The following IMMP2L variants were observed in gnomAD, a reference collection of about 807,000 sequenced individuals.
IMMP2L encodes mitochondrial inner membrane protease subunit 2.
IMMP2L carries 18 observed loss-of-function variants against 19.3 expected under a neutral mutation model. The ratio of observed to expected loss-of-function variants is 0.93; its 90% confidence interval spans 0.64 to 1.38. IMMP2L has a LOEUF of 1.38. Among genes scored for constraint, IMMP2L ranks in the 40% most tolerant of loss-of-function variants. The pLI is 0.00. For synonymous variants in IMMP2L, 76 were observed against 73.0 expected, an observed-to-expected ratio of 1.04 and a Z score of -0.21; for missense variants, 233 against 218.2, an observed-to-expected ratio of 1.07 and a Z score of -0.43.
At chr7:111,312,960 C>T (rs1823675082) in intron 3 of IMMP2L, among the ~76,000 whole-genome samples, 1 of 152,044 alleles carries the variant, frequency 6.6e-6, no homozygotes, top group African/African-American at 2.4e-5. Context: ...GAAATAAATA[C>T]TTGAAGGCAC....
At chr7:111,110,378 T>A (rs1799061467) in intron 3 of IMMP2L, among the ~76,000 whole-genome samples, 1 of 152,192 alleles carries the variant, frequency 6.6e-6, no homozygotes, top group Admixed American at 6.5e-5. Context: ...TTCTCATATA[T>A]TTAGAATAGC....
At chr7:111,222,569 A>T (rs1812635263) in intron 3 of IMMP2L, among the ~76,000 whole-genome samples, 1 of 152,008 alleles carries the variant, frequency 6.6e-6, no homozygotes, top group Non-Finnish European at 1.5e-5. Flanking sequence ...ATATGAAAAG[A>T]TGTTCAGCCT....
At chr7:111,159,462 A>G (rs1805014741) in intron 3 of IMMP2L, among the ~76,000 whole-genome samples, 1 of 151,878 alleles carries the variant, frequency 6.6e-6, no homozygotes. Context: ...TATCTGGTTG[A>G]TGTGTTTTGC....
At chr7:111,554,616 T>TTCA (rs1554549605) in intron 1 of IMMP2L, among the ~76,000 whole-genome samples, 2 of 151,380 alleles carry the variant, frequency 1.3e-5, no homozygotes, top group African/African-American at 4.8e-5. Flanking sequence ...TTATTTTTAT[T>TTCA]TTATTATTAT....
chr7:110,744,735 C>T (rs1325227219), intron 5 of IMMP2L, among the ~76,000 whole-genome samples: 1 of 152,160 alleles, frequency 6.6e-6, no homozygotes, highest in Non-Finnish European at 1.5e-5. Flanking sequence ...CTCAGAGACC[C>T]CATCTGAAGG....
chr7:111,306,599 C>A (rs1011479809), intron 3 of IMMP2L, among the ~76,000 whole-genome samples: 19 of 141,044 alleles, frequency 1.3e-4, no homozygotes, highest in Non-Finnish European at 2.4e-4. Context: ...TTGATTATCA[C>A]TGGACTCTGT....
At chr7:111,180,697 C>T (rs1807608810) in intron 3 of IMMP2L, among the ~76,000 whole-genome samples, 1 of 151,986 alleles carries the variant, frequency 6.6e-6, no homozygotes, top group South Asian at 2.1e-4. Flanking sequence ...TGACATAAGC[C>T]TACAATAAAA....
intron 3 of IMMP2L, among the ~76,000 whole-genome samples, chr7:110,966,343 C>T (rs879674920): frequency 3.3e-5 from 5 of 151,938 alleles, no homozygotes; most frequent in Admixed American, 6.6e-5. Flanking sequence ...TATCCTTTAG[C>T]GGATGACAAC....
In IMMP2L at chr7:110,950,845, T is replaced by TATATAC. The variant is rs912083932; in HGVS notation, c.305+12654_305+12655insGTATAT. ...GAATGGATACACAAAATGTGGCATA[T>TATATAC]ATATATATATATATATATATATATA... On this transcript the variant is annotated intron_variant, in intron 4 of 5. Transcript: ENST00000405709. Among the ~76,000 whole-genome samples, 7 of 121,728 alleles carry TATATAC rather than the reference T, an allele frequency of 5.8e-5. 1 individual carries two copies. The highest frequency in any genetic ancestry group is 2.0e-4 in the African/African-American group (5 of 25,022). The allele number at this position is 121,728 out of a possible 152,430, so 79.9% of individuals were successfully genotyped here. A position where few individuals can be genotyped will look rare whatever the true frequency, so the allele number is the denominator to read the frequency against.
intron 4 of IMMP2L, among the ~76,000 whole-genome samples, chr7:110,932,922 T>A (rs553108058): frequency 6.6e-6 from 1 of 152,256 alleles, no homozygotes; most frequent in East Asian, 1.9e-4. Context: ...ATGCCTGCAA[T>A]AGGAGGGTGA....
intron 5 of IMMP2L, among the ~76,000 whole-genome samples, chr7:110,852,050 G>A (rs998300574): frequency 3.9e-5 from 6 of 152,078 alleles, no homozygotes; most frequent in South Asian, 2.1e-4. Flanking sequence ...CTTCCACTTC[G>A]CTCTGACTCT....
chr7:111,201,243 T>C (rs1447847456), intron 3 of IMMP2L, among the ~76,000 whole-genome samples: 1 of 151,342 alleles, frequency 6.6e-6, no homozygotes, highest in Non-Finnish European at 1.5e-5. Flanking sequence ...TGAAAATCGA[T>C]GTGTTATCAC....
intron 3 of IMMP2L, among the ~76,000 whole-genome samples, chr7:110,996,851 T>C (rs1045286261): frequency 2.0e-5 from 3 of 152,062 alleles, no homozygotes; most frequent in African/African-American, 7.2e-5. Context: ...CCACCGAACT[T>C]ATTCAGATTA....
intron 2 of IMMP2L, among the ~76,000 whole-genome samples, chr7:111,494,349 G>C (rs1007211037): frequency 6.6e-6 from 1 of 152,124 alleles, no homozygotes; most frequent in Admixed American, 6.5e-5. Context: ...GCTCTGGACT[G>C]AGTAAGAAAG....
intron 3 of IMMP2L, among the ~76,000 whole-genome samples, chr7:111,321,094 T>C (rs1180145227): frequency 6.6e-6 from 1 of 151,876 alleles, no homozygotes; most frequent in Non-Finnish European, 1.5e-5. Flanking sequence ...GAAAAATAAA[T>C]AAATAACAGC....
intron 3 of IMMP2L, among the ~76,000 whole-genome samples, chr7:111,451,278 C>T (rs937997678): frequency 2.7e-5 from 4 of 149,900 alleles, no homozygotes; most frequent in Non-Finnish European, 4.4e-5. Context: ...TTTATTGCGG[C>T]ATTATTCACA....
At chr7:110,810,667 A>T (rs1881171) in intron 5 of IMMP2L, among the ~76,000 whole-genome samples, 131,730 of 151,966 alleles carry the variant, frequency 0.87, 57,301 homozygotes, top group East Asian at 0.98. Context: ...ACTAGGCATA[A>T]ATGGGATTAA....
intron 3 of IMMP2L, among the ~76,000 whole-genome samples, chr7:111,387,649 G>C (rs982271108): frequency 6.6e-6 from 1 of 152,050 alleles, no homozygotes. Flanking sequence ...CTAAAGTTCT[G>C]TCATTCACAT....
chr7:111,174,507 C>T (rs987475375), intron 3 of IMMP2L, among the ~76,000 whole-genome samples: 1 of 151,524 alleles, frequency 6.6e-6, no homozygotes, highest in Non-Finnish European at 1.5e-5. Flanking sequence ...AAAATATTAC[C>T]GAATTTCAAG....
Sources: gnomAD v4.1 joint callset for allele counts (sites outside exome capture counted in the v4.1 genomes callset) on GRCh38, gnomAD v4.1.1 for gene constraint, MANE v1.5 for transcripts, NCBI Gene and HGNC (gene_info 2026-07-23, HGNC 2026-07-21) for gene names.